Variants in BMPR1B observed in about 807,000 individuals in gnomAD.
BMPR1B encodes the protein bone morphogenetic protein receptor type 1B.
In BMPR1B, 12 loss-of-function variants were observed where a neutral mutation model predicts 59.1. That is an observed-to-expected ratio of 0.20 (90% confidence interval 0.13 to 0.33). The LOEUF is 0.33. BMPR1B is among the 10% of genes least tolerant of loss of function. BMPR1B has a pLI of 1.00. For synonymous variants in BMPR1B, 237 were observed against 207.3 expected, an observed-to-expected ratio of 1.14 and a Z score of -1.23; for missense variants, 550 against 610.9, an observed-to-expected ratio of 0.90 and a Z score of 1.05.
At chr4:94,836,840 A>G (rs1001212508) in intron 1 of BMPR1B, among the ~76,000 whole-genome samples, 1 of 149,942 alleles carries the variant, frequency 6.7e-6, no homozygotes, top group South Asian at 2.1e-4. Flanking sequence ...GCCCATGCCT[A>G]TGTCCTGAAT....
chr4:94,848,835 G>T (rs10212893), intron 1 of BMPR1B, among the ~76,000 whole-genome samples: 4 of 151,806 alleles, frequency 2.6e-5, no homozygotes, highest in African/African-American at 7.3e-5. Context: ...CAAATAGAAA[G>T]GATTTTATTT....
At chr4:95,150,329 AAGAGT>A (rs1734948920) in intron 11 of BMPR1B, among the ~76,000 whole-genome samples, 1 of 152,164 alleles carries the variant, frequency 6.6e-6, no homozygotes, top group Non-Finnish European at 1.5e-5. Flanking sequence ...ACGCATTATA[AAGAGT>A]AGATAAGCCT....
At chr4:95,113,272 T>G (rs942753076) in intron 4 of BMPR1B, among the ~76,000 whole-genome samples, 8 of 152,158 alleles carry the variant, frequency 5.3e-5, no homozygotes, top group Admixed American at 1.3e-4. Context: ...CTTTTTGACC[T>G]TGGTGTAAGA....
At chr4:95,002,677 A>G (rs1305128741) in intron 3 of BMPR1B, among the ~76,000 whole-genome samples, 3 of 152,134 alleles carry the variant, frequency 2.0e-5, no homozygotes, top group African/African-American at 7.2e-5. Flanking sequence ...CTCCTCCCTC[A>G]TATCAGAATC....
At chr4:94,829,151 G>T in intron 1 of BMPR1B, among the ~76,000 whole-genome samples, 1 of 152,174 alleles carries the variant, frequency 6.6e-6, no homozygotes, top group South Asian at 2.1e-4. Context: ...TGTACCTTAA[G>T]TTTATGCTTC....
chr4:94,950,274 A>G (rs920153705), intron 2 of BMPR1B, among the ~76,000 whole-genome samples: 1 of 152,136 alleles, frequency 6.6e-6, no homozygotes, highest in Non-Finnish European at 1.5e-5. Context: ...TTTGCTGTGC[A>G]GAAGCTCTTT....
chr4:94,811,617 G>A (rs116184325), intron 1 of BMPR1B, among the ~76,000 whole-genome samples: 10 of 152,118 alleles, frequency 6.6e-5, no homozygotes, highest in South Asian at 2.1e-4. Context: ...TAAAAAATCA[G>A]GCTTATACAA....
At chr4:95,034,368 G>T (rs1725081004) in intron 3 of BMPR1B, among the ~76,000 whole-genome samples, 2 of 151,936 alleles carry the variant, frequency 1.3e-5, no homozygotes, top group South Asian at 4.1e-4. Context: ...CTGAGATTTT[G>T]GTGCACCTAT....
At chr4:94,804,062 T>A (rs1723512699) in intron 1 of BMPR1B, among the ~76,000 whole-genome samples, 1 of 152,042 alleles carries the variant, frequency 6.6e-6, no homozygotes, top group Non-Finnish European at 1.5e-5. Context: ...GTATTTTTAG[T>A]AGAGATGGGG....
At chr4:94,852,607 G>A (rs1544390) in intron 1 of BMPR1B, among the ~76,000 whole-genome samples, 92,401 of 151,802 alleles carry the variant, frequency 0.61, 28,988 homozygotes, top group African/African-American at 0.76. Context: ...TTACAGGGTC[G>A]TGAAAATTAA....
chr4:94,911,993 C>G lies in BMPR1B; in HGVS notation c.-113+36093C>G, dbSNP rs867727862. On this transcript the variant is annotated intron_variant, in intron 2 of 12. Coordinates refer to ENST00000515059, the MANE Select transcript of BMPR1B (RefSeq NM_001203.3). ...AAAGAAAGAGGTTTAATTGGACTTACAGTTCCATGTGGCTAGGGGAGCCTC... is the reference window on the plus strand; with the variant it reads ...AAAGAAAGAGGTTTAATTGGACTTAGAGTTCCATGTGGCTAGGGGAGCCTC... 2.8e-4 allele frequency among the ~76,000 whole-genome samples: 42 copies of G among 152,112 alleles called. 1 individual carries two copies. The highest frequency in any genetic ancestry group is 2.4e-5 in the African/African-American group (1 of 41,448).
intron 3 of BMPR1B, among the ~76,000 whole-genome samples, chr4:95,056,495 GAAAAAC>G (rs1262276458): frequency 6.6e-6 from 1 of 152,108 alleles, no homozygotes; most frequent in Non-Finnish European, 1.5e-5. Flanking sequence ...GAGACATAAA[GAAAAAC>G]TAAAGGAAAC....
chr4:94,955,637 C>CTTTTTTT (rs148110827), intron 2 of BMPR1B, among the ~76,000 whole-genome samples: 1,843 of 148,118 alleles, frequency 0.012, 28 homozygotes, highest in African/African-American at 0.035. Flanking sequence ...ACATTTAATT[C>CTTTTTTT]TTTTTTTTTA....
At chr4:95,119,075 G>T (rs1324766775) in intron 6 of BMPR1B, among the ~76,000 whole-genome samples, 1 of 152,144 alleles carries the variant, frequency 6.6e-6, no homozygotes, top group Non-Finnish European at 1.5e-5. Context: ...GTGAAGCTTG[G>T]AGTCTTAGTA....
chr4:94,933,312 T>C (rs1729165981), intron 2 of BMPR1B, among the ~76,000 whole-genome samples: 1 of 152,118 alleles, frequency 6.6e-6, no homozygotes, highest in Admixed American at 6.6e-5. Flanking sequence ...TTCCTTATTG[T>C]TGTACATTTT....
At chr4:94,887,915 T>C (rs1727246856) in intron 2 of BMPR1B, among the ~76,000 whole-genome samples, 1 of 152,006 alleles carries the variant, frequency 6.6e-6, no homozygotes, top group South Asian at 2.1e-4. Context: ...ATGGGCAAAT[T>C]AACCCCAAAC....
intron 1 of BMPR1B, among the ~76,000 whole-genome samples, chr4:94,775,053 TAGA>T (rs981796128): frequency 4.6e-5 from 7 of 152,188 alleles, no homozygotes; most frequent in African/African-American, 1.7e-4. Context: ...AAAACTAGTG[TAGA>T]AGGTTCTATA....
At chr4:94,761,396 C>T (rs1012616583) in intron 1 of BMPR1B, among the ~76,000 whole-genome samples, 4 of 146,562 alleles carry the variant, frequency 2.7e-5, no homozygotes, top group African/African-American at 1.0e-4. Flanking sequence ...TCTGGACTTA[C>T]ATTTTCCGCT....
At chr4:95,004,600 A>T (rs926576199) in intron 3 of BMPR1B, among the ~76,000 whole-genome samples, 2 of 152,174 alleles carry the variant, frequency 1.3e-5, no homozygotes, top group Non-Finnish European at 2.9e-5. Flanking sequence ...TATATTCCTC[A>T]GGTGAATATT....
Sources: allele counts gnomAD v4.1 joint callset (sites outside exome capture counted in the v4.1 genomes callset), GRCh38; gene constraint gnomAD v4.1.1; transcripts MANE v1.5; gene names NCBI Gene and HGNC (gene_info 2026-07-23, HGNC 2026-07-21).